AK5: variants seen among roughly 807,000 people sequenced by gnomAD.
AK5 encodes the protein adenylate kinase isoenzyme 5.
In AK5, 27 loss-of-function variants were observed where a neutral mutation model predicts 69.5. The ratio of observed to expected loss-of-function variants is 0.39; its 90% CI spans 0.29 to 0.54. The LOEUF (loss-of-function observed/expected upper bound fraction) is 0.54, where lower values mean the gene tolerates loss of function less well. AK5 is among the 20% of genes least tolerant of loss of function. The pLI is 0.71. For missense variants in AK5, 531 were observed against 700.4 expected, an observed-to-expected ratio of 0.76 and a Z score of 2.73; for synonymous variants, 260 against 244.4, an observed-to-expected ratio of 1.06 and a Z score of -0.60.
Position 77,319,862 on chromosome 1 carries a change from A to T in AK5, c.700-20515A>T, listed in dbSNP as rs115649036. Among the ~76,000 whole-genome samples the T allele has an allele frequency of 2.1e-3, 315 of 152,352 alleles. 1 individual carries two copies. Among genetic ancestry groups the T allele is most frequent in the Middle Eastern group, 0.01 (3 of 294 alleles). On this transcript the variant is annotated intron_variant, in intron 5 of 13. Transcript: ENST00000354567. ...ACATTGCATTCTGTGAAGAATGATT[A>T]TGTGTACAAGTGTGCCCCACGTTAT...
chr1:77,286,787 C>T (rs923170834), intron 1 of AK5, among the ~76,000 whole-genome samples, 154 bp from the exon 2 acceptor site: 3 of 152,050 alleles, frequency 2.0e-5, no homozygotes, highest in African/African-American at 7.2e-5. Flanking sequence ...GTAGAAGTTG[C>T]AGTGAGCCAA....
chr1:77,408,978 C>T (rs1045817725), intron 6 of AK5, among the ~76,000 whole-genome samples: 8 of 152,104 alleles, frequency 5.3e-5, no homozygotes, highest in Non-Finnish European at 1.0e-4. Flanking sequence ...AAGTTCTTAT[C>T]GTTTAGCTCC....
chr1:77,351,606 A>C (rs915096195), intron 6 of AK5, among the ~76,000 whole-genome samples: 10 of 152,166 alleles, frequency 6.6e-5, no homozygotes, highest in Non-Finnish European at 7.3e-5. Context: ...CCACACAGAA[A>C]AAAGGTGAGA....
intron 13 of AK5, among the ~76,000 whole-genome samples, chr1:77,548,246 A>G (rs905916255): frequency 2.0e-5 from 3 of 152,176 alleles, no homozygotes; most frequent in Non-Finnish European, 4.4e-5. Context: ...TCTACAGTCA[A>G]TGTATATATA....
At chr1:77,503,063 C>T (rs1410363595) in intron 10 of AK5, among the ~76,000 whole-genome samples, 11 of 152,220 alleles carry the variant, frequency 7.2e-5, no homozygotes, top group Non-Finnish European at 5.9e-5. Flanking sequence ...TCAAAACCTG[C>T]TCTGTCAGAA....
At chr1:77,557,312 T>C (rs1660155165) in intron 13 of AK5, 1 of 210,990 alleles carries the variant, frequency 4.7e-6, no homozygotes, top group Non-Finnish European at 1.0e-5. Context: ...GGGCAGAAGC[T>C]CTGGTTTCTC....
At chr1:77,381,218 C>T (rs1208124358) in intron 6 of AK5, among the ~76,000 whole-genome samples, 1 of 152,076 alleles carries the variant, frequency 6.6e-6, no homozygotes, top group East Asian at 1.9e-4. Context: ...AGATGGCTCA[C>T]TTTACCCTTC....
At chr1:77,391,487 G>GTATATA (rs1648456643) in intron 6 of AK5, among the ~76,000 whole-genome samples, 1 of 89,468 alleles carries the variant, frequency 1.1e-5, no homozygotes, top group African/African-American at 4.4e-5. Flanking sequence ...GTGTGTATGT[G>GTATATA]TGTGTGTGTA....
At position 77,423,225 on chromosome 1, in the gene AK5, A is replaced by T. The variant is rs548316595; in HGVS notation, c.1059+5510A>T. ...AACAGAGCAAGACTCCGTCTAAAAA[A>T]AAAAATAAAAAAAAAAGAAGAACTA... On this transcript the variant is annotated intron_variant, in intron 8 of 13. Transcript: ENST00000354567. Among the ~76,000 whole-genome samples the T allele has an allele frequency of 1.5e-3, 199 of 132,026 alleles. 4 individuals are homozygous for T. The highest frequency in any genetic ancestry group is 4.8e-3 in the African/African-American group (191 of 40,062). 86.6% of individuals were successfully genotyped at this position (132,026 alleles called of 152,430 possible).
At chr1:77,373,293 T>C (rs1002372456) in intron 6 of AK5, among the ~76,000 whole-genome samples, 1 of 152,194 alleles carries the variant, frequency 6.6e-6, no homozygotes. Flanking sequence ...TTTTATTCAA[T>C]AATTTGTCCT....
At chr1:77,547,458 G>A (rs1048221651) in intron 13 of AK5, among the ~76,000 whole-genome samples, 3 of 152,072 alleles carry the variant, frequency 2.0e-5, no homozygotes, top group African/African-American at 7.2e-5. Flanking sequence ...ATTTTTAGTA[G>A]AGACGGGGTT....
intron 7 of AK5, among the ~76,000 whole-genome samples, chr1:77,411,415 C>G (rs185882844): frequency 2.6e-5 from 4 of 152,122 alleles, no homozygotes; most frequent in Non-Finnish European, 4.4e-5. Flanking sequence ...CTAACTCATA[C>G]GATAGGTTTC....
Position 77,410,981 on chromosome 1 carries a change from T to C in AK5, c.892T>C (p.Phe298Leu). Residue 298 changes from phenylalanine (F) to leucine (L), a missense_variant and splice_region_variant, in exon 7 of 14, where the codon TTT becomes CTT. Physicochemically the swap from Phe to Leu is conservative, Grantham distance 22. Transcript: ENST00000354567. The part of the protein sequence containing the change: ...YFQEKGLIMT[F>L]DADRDEDEVF... The stretch of plus-strand genomic sequence containing the variant: ...ACTTGTCTGTCCTGATTTCCCCCAG[T>C]TTGATGCCGACCGCGATGAGGATGA... 6.2e-7 allele frequency: 1 copy of C among 1,613,462 alleles called. No homozygotes were observed.
intron 8 of AK5, among the ~76,000 whole-genome samples, chr1:77,458,028 G>A (rs528818347): frequency 6.6e-6 from 1 of 151,148 alleles, no homozygotes; most frequent in South Asian, 2.1e-4. Flanking sequence ...CTGGAGCCTA[G>A]GAGTTAGAGG....
chr1:77,529,945 T>G (rs1360994762), intron 12 of AK5, among the ~76,000 whole-genome samples: 2 of 152,228 alleles, frequency 1.3e-5, no homozygotes, highest in Non-Finnish European at 2.9e-5. Flanking sequence ...AATATGTACA[T>G]AACTCTCGTG....
rs373595369 is a variant in AK5, at chr1:77,321,740, G to A, written c.700-18637G>A. 5.3e-5 allele frequency among the ~76,000 whole-genome samples: 8 copies of A among 152,102 alleles called. No homozygotes were observed. The East Asian group carries it at 5.8e-4, about 11-fold the overall frequency. On this transcript the variant is annotated intron_variant, in intron 5 of 13. Coordinates refer to ENST00000354567, the MANE Select transcript of AK5 (RefSeq NM_174858.3). The stretch of plus-strand genomic sequence containing the variant: ...CATTTCTATTTAACGTTGTTAAATA[G>A]AAGTAGTAAAAATTCTAAATAGTGG...
intron 5 of AK5, among the ~76,000 whole-genome samples, chr1:77,300,674 C>T (rs759947158): frequency 3.6e-4 from 55 of 152,124 alleles, no homozygotes; most frequent in Non-Finnish European, 5.4e-4. Flanking sequence ...GGACACTATC[C>T]AGAGTTAGTT....
intron 6 of AK5, among the ~76,000 whole-genome samples, chr1:77,368,302 A>AT (rs1491255131): frequency 1.0e-5 from 1 of 98,198 alleles, no homozygotes; most frequent in Non-Finnish European, 2.0e-5. Flanking sequence ...TGTTATATAT[A>AT]ATATATATGT....
At chr1:77,351,913 A>G (rs1436822647) in intron 6 of AK5, among the ~76,000 whole-genome samples, 1 of 147,928 alleles carries the variant, frequency 6.8e-6, no homozygotes, top group Non-Finnish European at 1.5e-5. Context: ...CGTAAAATAC[A>G]TCTGCAAGTA....
Sources: gnomAD v4.1 joint callset for allele counts (sites outside exome capture counted in the v4.1 genomes callset) on GRCh38, gnomAD v4.1.1 for gene constraint, MANE v1.5 for transcripts, NCBI Gene and HGNC (gene_info 2026-07-23, HGNC 2026-07-21) for gene names.